RNF123: variants seen among roughly 807,000 people sequenced by gnomAD.
RNF123 encodes the protein E3 ubiquitin-protein ligase RNF123.
In RNF123, 86 loss-of-function variants were observed where a neutral mutation model predicts 168.5. That is an observed-to-expected ratio of 0.51 (90% CI 0.43 to 0.61). The LOEUF (loss-of-function observed/expected upper bound fraction) is 0.61, where lower values mean the gene tolerates loss of function less well. Among genes scored for constraint, RNF123 ranks in the 20% least tolerant of loss-of-function variants. RNF123 has a pLI of 0.00. For missense variants in RNF123, 1,419 were observed against 1,729.7 expected (o/e 0.82, Z 3.19); for synonymous variants, 666 against 689.1 (o/e 0.97, Z 0.52).
At chr3:49,704,243 G>T (rs2054467179) in intron 21 of RNF123, among the ~76,000 whole-genome samples, 1 of 152,142 alleles carries the variant, frequency 6.6e-6, no homozygotes, top group Admixed American at 6.5e-5. Context: ...CACTGGGAGT[G>T]CCCAGAATGA....
rs368796906 is a variant in RNF123, at chr3:49,698,975, C to T, written c.639-5C>T. On this transcript the variant is annotated splice_region_variant and splice_polypyrimidine_tract_variant and intron_variant, in intron 9 of 38. Coordinates refer to ENST00000327697, the MANE Select transcript of RNF123 (RefSeq NM_022064.5). ...ACTGGCTCACAGACCCACCCTTCTC[C>T]CCAGGAACGGTGTATCACTGGGCAC... 26 of 1,613,644 alleles carry T rather than the reference C, an allele frequency of 1.6e-5. No homozygotes were observed. The highest frequency in any genetic ancestry group is 1.8e-5 in the Non-Finnish European group (21 of 1,179,886).
intron 34 of RNF123, 43 bp downstream of exon 34, chr3:49,716,220 C>T (rs769989246): frequency 4.4e-5 from 70 of 1,603,460 alleles, no homozygotes; most frequent in Middle Eastern, 1.7e-4. Flanking sequence ...CTACAGGCCT[C>T]GGTTCCTCTG....
chr3:49,694,456 G>T (rs1401671498), intron 3 of RNF123, among the ~76,000 whole-genome samples: 2 of 152,180 alleles, frequency 1.3e-5, no homozygotes, highest in Non-Finnish European at 2.9e-5. Flanking sequence ...GCCCATACCA[G>T]TGCCCTAGTT....
chr3:49,692,287 A>G (rs2054181957), intron 3 of RNF123, among the ~76,000 whole-genome samples: 6 of 152,250 alleles, frequency 3.9e-5, no homozygotes, highest in African/African-American at 1.4e-4. Flanking sequence ...TTGTTATTTT[A>G]ACATGACTAT....
intron 20 of RNF123, 33 bp downstream of exon 20, chr3:49,702,786 C>G (rs1042916718): frequency 3.1e-6 from 5 of 1,613,550 alleles, no homozygotes; most frequent in Non-Finnish European, 4.2e-6. Flanking sequence ...GTCAGTGAGG[C>G]TGGACAGAGC....
intron 12 of RNF123, 110 bp from the exon 13 acceptor site, chr3:49,700,117 G>A: frequency 6.7e-7 from 1 of 1,492,914 alleles, no homozygotes; most frequent in South Asian, 1.3e-5. Context: ...TGTTGCTCGA[G>A]TGGCTCAAGG....
In RNF123 at chr3:49,699,152, G is replaced by A; in HGVS notation, c.764+47G>A. ...TGTGGGCTGCTCAGAAGCTCTTGGG[G>A]AGGCTGGGATGAGGGGCTCCCTACC... On this transcript the variant is annotated intron_variant, in intron 10 of 38. Transcript: ENST00000327697. The surrounding 1 kb of genome is among the most constrained non-coding windows in gnomAD (Gnocchi z 4.8). 1.3e-6 allele frequency: 2 copies of A among 1,588,064 alleles called. No individual in the cohort carries two copies. Among genetic ancestry groups the A allele is most frequent in the Non-Finnish European group, 1.7e-6 (2 of 1,168,320 alleles).
chr3:49,692,387 G>A (rs1161786827), intron 3 of RNF123, among the ~76,000 whole-genome samples: 4 of 152,062 alleles, frequency 2.6e-5, no homozygotes, highest in Admixed American at 2.0e-4. Flanking sequence ...ATATTTATAG[G>A]GTACATGAGA....
chr3:49,704,477 G>A (rs977661099), intron 21 of RNF123, among the ~76,000 whole-genome samples, 173 bp from the exon 22 acceptor site: 2 of 152,194 alleles, frequency 1.3e-5, no homozygotes, highest in Admixed American at 6.5e-5. Context: ...CCCTTGAGAT[G>A]CAGAGTGAAG....
Position 49,702,087 on chromosome 3 carries a change from G to T in RNF123, c.1500G>T (p.Val500=). 2 of 1,613,942 alleles carry T rather than the reference G, an allele frequency of 1.2e-6. No individual in the cohort carries two copies. The highest frequency in any genetic ancestry group is 1.7e-6 in the Non-Finnish European group (2 of 1,179,900). Residue 500 remains valine, a synonymous_variant, in exon 18 of 39, where the codon GTG becomes GTT. Transcript: ENST00000327697. ...CQRLRKRIEV[V]EELQVQILKL... ...TGTTCCTCACCTGACCTCCAGTGGT[G>T]GAAGAACTACAGGTCCAGATCCTGA...
chr3:49,698,381 G>A (rs1328743104), intron 7 of RNF123, 59 bp from the exon 8 acceptor site: 1 of 1,410,156 alleles, frequency 7.1e-7, no homozygotes, highest in Non-Finnish European at 1.0e-6. Context: ...GGTGATTGGT[G>A]GGCTCTGGCC....
intron 3 of RNF123, among the ~76,000 whole-genome samples, chr3:49,696,565 C>T (rs2054272132): frequency 6.6e-6 from 1 of 151,824 alleles, no homozygotes; most frequent in South Asian, 2.1e-4. Context: ...TCTTGAACTA[C>T]TGACCTCGTG....
chr3:49,699,192 G>A lies in RNF123; in HGVS notation c.764+87G>A, dbSNP rs1399109974. 117 of 1,521,910 alleles carry A rather than the reference G, an allele frequency of 7.7e-5. No homozygotes were observed. The highest frequency in any genetic ancestry group is 1.0e-4 in the Non-Finnish European group (117 of 1,132,030). 94.3% of individuals were successfully genotyped at this position (1,521,910 alleles called of 1,614,324 possible). On this transcript the variant is annotated intron_variant, in intron 10 of 38. Coordinates refer to ENST00000327697, the MANE Select transcript of RNF123 (RefSeq NM_022064.5). This position sits in a 1 kb window ranked among gnomAD's most constrained non-coding sequence, Gnocchi z 4.8. ...GGCTCCCTACCCCAGGGGTGCCATG[G>A]GCTGGTGGCAGGCCCTGGCTGCTGC...
chr3:49,698,620 A>AG (rs35877975), intron 8 of RNF123, 94 bp downstream of exon 8: 1 of 1,547,214 alleles, frequency 6.5e-7, no homozygotes, highest in East Asian at 2.2e-5. Context: ...ACAGGGCACC[A>AG]GGGAAGGGTC....
At position 49,719,220 on chromosome 3, in the gene RNF123, C is replaced by G. The variant is rs542288680; in HGVS notation, c.3501-1291C>G. On this transcript the variant is annotated intron_variant, in intron 35 of 38. Coordinates refer to ENST00000327697, the MANE Select transcript of RNF123 (RefSeq NM_022064.5). ...GCAGGGCGCGCAGCTGGAAGAGGGG[C>G]GCCAACCAGCCGGGGCGCAGGCGCT... 3 of 1,613,126 alleles carry G rather than the reference C, an allele frequency of 1.9e-6. No individual in the cohort carries two copies. In the African/African-American group the frequency reaches 4.0e-5, roughly 21 times the overall value.
intron 35 of RNF123, chr3:49,717,315 A>C (rs2108202197): frequency 6.4e-6 from 1 of 156,252 alleles, no homozygotes; most frequent in East Asian, 1.9e-4. Flanking sequence ...TGCCCACCGG[A>C]CTCTGCGTGA....
chr3:49,706,959 A>G (rs3749241), intron 26 of RNF123, 61 bp downstream of exon 26: 779,080 of 1,445,444 alleles, frequency 0.54, 214,960 homozygotes, highest in East Asian at 0.79. Context: ...GTCTAGCAAG[A>G]TTGTGCCAGG....
intron 33 of RNF123, 45 bp downstream of exon 33, chr3:49,716,055 A>G (rs1055702454): frequency 6.2e-7 from 1 of 1,613,430 alleles, no homozygotes; most frequent in Admixed American, 1.7e-5. Flanking sequence ...GGGATGCCCC[A>G]TTGATGACGC....
At chr3:49,705,474 G>A in intron 23 of RNF123, 60 bp from the exon 24 acceptor site, 1 of 1,526,450 alleles carries the variant, frequency 6.6e-7, no homozygotes, top group Non-Finnish European at 8.8e-7. Flanking sequence ...CCTGCTGTGA[G>A]GCAGGCTCAG....
Sources: gnomAD v4.1 joint callset for allele counts (sites outside exome capture counted in the v4.1 genomes callset) on GRCh38, gnomAD v4.1.1 for gene constraint, Gnocchi (gnomAD v3.1) non-coding constraint, MANE v1.5 for transcripts, NCBI Gene and HGNC (gene_info 2026-07-23, HGNC 2026-07-21) for gene names.